The following AFF3 variants were observed in gnomAD, a reference collection of about 807,000 sequenced individuals.
AFF3 encodes AF4/FMR2 family member 3.
In AFF3, 32 loss-of-function variants were observed where a neutral mutation model predicts 129.7. The ratio of observed to expected loss-of-function variants is 0.25; its 90% CI spans 0.19 to 0.33. The LOEUF is 0.33. AFF3 is among the 10% of genes least tolerant of loss of function. The pLI is 1.00. For missense variants in AFF3, 1,373 were observed against 1,592.0 expected (o/e 0.86, Z 2.34); for synonymous variants, 644 against 635.4 (o/e 1.01, Z -0.20).
At chr2:99,973,336 G>C (rs1008995309) in intron 7 of AFF3, among the ~76,000 whole-genome samples, 1 of 152,240 alleles carries the variant, frequency 6.6e-6, no homozygotes, top group Admixed American at 6.5e-5. Context: ...AGGGAAAACA[G>C]AGACCTCAGG....
intron 11 of AFF3, among the ~76,000 whole-genome samples, chr2:99,698,836 C>G (rs1230598145): frequency 6.6e-6 from 1 of 151,962 alleles, no homozygotes. Flanking sequence ...TAAATATAAC[C>G]AAAATGTTAT....
intron 13 of AFF3, among the ~76,000 whole-genome samples, chr2:99,644,600 C>A (rs1387379515): frequency 1.3e-5 from 2 of 152,220 alleles, no homozygotes; most frequent in African/African-American, 2.4e-5. Flanking sequence ...TTAGTCCTGG[C>A]AATTGCCTAG....
At chr2:99,687,038 G>C (rs924319738) in intron 11 of AFF3, among the ~76,000 whole-genome samples, 2 of 152,246 alleles carry the variant, frequency 1.3e-5, no homozygotes, top group Non-Finnish European at 2.9e-5. Context: ...GCTCCAGTCT[G>C]GAAGGGAACT....
chr2:99,654,617 A>G (rs186943237), intron 12 of AFF3, among the ~76,000 whole-genome samples: 1 of 152,222 alleles, frequency 6.6e-6, no homozygotes, highest in Admixed American at 6.5e-5. Context: ...ATCTCACATC[A>G]TCTCTTCCTT....
At chr2:100,129,743 T>A (rs1210333866) in intron 1 of AFF3, among the ~76,000 whole-genome samples, 1 of 152,194 alleles carries the variant, frequency 6.6e-6, no homozygotes, top group African/African-American at 2.4e-5. Flanking sequence ...CTAAATGAAT[T>A]GGATACAGCT....
intron 8 of AFF3, among the ~76,000 whole-genome samples, chr2:99,792,006 A>C (rs1245631992): frequency 6.6e-6 from 1 of 152,086 alleles, no homozygotes; most frequent in Non-Finnish European, 1.5e-5. Context: ...GTGTTAGTGA[A>C]TCAACAATAT....
At chr2:99,973,849 C>T (rs1250775838) in intron 7 of AFF3, among the ~76,000 whole-genome samples, 2 of 152,066 alleles carry the variant, frequency 1.3e-5, no homozygotes, top group Non-Finnish European at 2.9e-5. Flanking sequence ...CAGGGGTGCC[C>T]GGGGAGGGTT....
chr2:99,572,358 C>T (rs1388786816), intron 18 of AFF3, among the ~76,000 whole-genome samples: 4 of 142,706 alleles, frequency 2.8e-5, no homozygotes, highest in Non-Finnish European at 4.5e-5. Flanking sequence ...TTGAGCTACC[C>T]CCATATTTCT....
At chr2:99,974,228 C>G (rs1413297665) in intron 7 of AFF3, among the ~76,000 whole-genome samples, 1 of 152,120 alleles carries the variant, frequency 6.6e-6, no homozygotes, top group African/African-American at 2.4e-5. Flanking sequence ...AAGTGAATCT[C>G]TATAATAATT....
At chr2:100,047,462 G>A (rs1034708710) in intron 4 of AFF3, among the ~76,000 whole-genome samples, 6 of 152,112 alleles carry the variant, frequency 3.9e-5, no homozygotes, top group Admixed American at 3.9e-4. Context: ...ATTCTCAAAG[G>A]CACAACACAG....
chr2:99,567,878 C>A (rs1270355364), intron 19 of AFF3, among the ~76,000 whole-genome samples: 1 of 152,216 alleles, frequency 6.6e-6, no homozygotes, highest in African/African-American at 2.4e-5. Flanking sequence ...ATCTGATGCT[C>A]TTCTCCAAGA....
intron 11 of AFF3, among the ~76,000 whole-genome samples, chr2:99,694,810 G>A (rs994452972): frequency 3.5e-4 from 53 of 152,036 alleles, no homozygotes; most frequent in African/African-American, 1.1e-3. Context: ...GGGTTCAAGC[G>A]ACTCTCCTGA....
chr2:99,563,002 G>A (rs778107227), intron 20 of AFF3, among the ~76,000 whole-genome samples: 6 of 145,002 alleles, frequency 4.1e-5, no homozygotes, highest in African/African-American at 1.4e-4. Context: ...ACTGACCCAC[G>A]CCTGCTTGGC....
chr2:99,813,289 T>G (rs541166843), intron 8 of AFF3, among the ~76,000 whole-genome samples: 75 of 152,226 alleles, frequency 4.9e-4, no homozygotes, highest in Non-Finnish European at 8.8e-4. Flanking sequence ...TGCCATGTTC[T>G]CATTCTAAAC....
At chr2:99,562,123 T>A (rs1254159902) in intron 20 of AFF3, among the ~76,000 whole-genome samples, 1 of 152,192 alleles carries the variant, frequency 6.6e-6, no homozygotes, top group Non-Finnish European at 1.5e-5. Context: ...AATGTAATCA[T>A]GGTGTGTTTT....
intron 9 of AFF3, among the ~76,000 whole-genome samples, chr2:99,749,299 T>TA (rs1681431100): frequency 6.6e-6 from 1 of 152,214 alleles, no homozygotes; most frequent in South Asian, 2.1e-4. Flanking sequence ...TCAATAGAGC[T>TA]AAAAAATGAA....
At chr2:99,995,286 C>A (rs1680733842) in intron 7 of AFF3, among the ~76,000 whole-genome samples, 1 of 151,894 alleles carries the variant, frequency 6.6e-6, no homozygotes, top group African/African-American at 2.4e-5. Flanking sequence ...ACTAATAAGT[C>A]AATTATGCTG....
At chr2:100,017,281 G>A (rs1443403239) in intron 4 of AFF3, among the ~76,000 whole-genome samples, 1 of 152,004 alleles carries the variant, frequency 6.6e-6, no homozygotes, top group African/African-American at 2.4e-5. Context: ...CTATAACATT[G>A]GCTCACCAGC....
chr2:99,899,727 G>A (rs1219673250), intron 7 of AFF3, among the ~76,000 whole-genome samples: 1 of 152,156 alleles, frequency 6.6e-6, no homozygotes, highest in East Asian at 1.9e-4. Flanking sequence ...CATAATCCAT[G>A]GGGCCAGGTC....
Sources: gnomAD v4.1 joint callset for allele counts (sites outside exome capture counted in the v4.1 genomes callset) on GRCh38, gnomAD v4.1.1 for gene constraint, MANE v1.5 for transcripts, NCBI Gene and HGNC (gene_info 2026-07-23, HGNC 2026-07-21) for gene names.